The following ATF7 variants were observed in gnomAD, a reference collection of about 807,000 sequenced individuals.
ATF7 encodes cyclic AMP-dependent transcription factor ATF-7.
A neutral mutation model predicts 50.4 loss-of-function variants in ATF7; 10 were observed. The observed-to-expected ratio is 0.20, with a 90% CI of 0.12 to 0.34. ATF7 has a LOEUF of 0.34. ATF7 is among the 10% of genes least tolerant of loss of function. The pLI is 1.00. For missense variants in ATF7, 465 were observed against 613.9 expected (o/e 0.76, Z 2.56); for synonymous variants, 201 against 226.4 (o/e 0.89, Z 1.01).
intron 1 of ATF7, among the ~76,000 whole-genome samples, chr12:53,616,664 C>A (rs548734699): frequency 6.6e-6 from 1 of 151,592 alleles, no homozygotes; most frequent in Non-Finnish European, 1.5e-5. Context: ...AAGGCGTGGC[C>A]GGGTGCGGTG....
In ATF7 at chr12:53,569,102, T is replaced by A. The variant is rs1416878162; in HGVS notation, c.49-16465A>T. On this transcript the variant is annotated intron_variant, in intron 2 of 11. Transcript: ENST00000420353. Reference sequence around the variant, plus strand: ...AAGGAGGTTCCCTTGAGCCCAGGTGTTTGAAGCTGCAGTAAGCTATGATTG... The same window carrying A: ...AAGGAGGTTCCCTTGAGCCCAGGTGATTGAAGCTGCAGTAAGCTATGATTG... Among the ~76,000 whole-genome samples the A allele has an allele frequency of 7.9e-5, 12 of 152,096 alleles. 1 individual carries two copies. In the East Asian group the frequency reaches 2.1e-3, roughly 27 times the overall value.
chr12:53,525,679 T>G (rs964649458), intron 9 of ATF7, among the ~76,000 whole-genome samples: 20 of 152,174 alleles, frequency 1.3e-4, no homozygotes, highest in South Asian at 6.2e-4. Context: ...CTTTACAAAT[T>G]GGTGATATAG....
chr12:53,575,355 C>G (rs549877302), intron 2 of ATF7, among the ~76,000 whole-genome samples: 1 of 150,488 alleles, frequency 6.6e-6, no homozygotes, highest in East Asian at 2.0e-4. Flanking sequence ...TGCGGTGAGC[C>G]GAGATTGTGC....
In ATF7 at chr12:53,551,884, A is replaced by G. The variant is rs1251413936; in HGVS notation, c.145+657T>C. ...TGGTTTGTATGTCTGCCTAGCTGAA[A>G]ATGGTACAGCAGAATTGCTGCCTGG... On this transcript the variant is annotated intron_variant, in intron 3 of 11. Coordinates refer to ENST00000420353, the MANE Select transcript of ATF7 (RefSeq NM_006856.3). Among the ~76,000 whole-genome samples the G allele has an allele frequency of 2.6e-5, 4 of 152,230 alleles. No homozygotes were observed. In the East Asian group the frequency reaches 7.7e-4, roughly 29 times the overall value.
chr12:53,539,949 A>G (rs187940156), intron 4 of ATF7, among the ~76,000 whole-genome samples: 1 of 152,062 alleles, frequency 6.6e-6, no homozygotes, highest in Non-Finnish European at 1.5e-5. Context: ...GAGTGCCTGT[A>G]GTCCTAGTTA....
chr12:53,509,148 G>A (rs1009562140), downstream of ATF7, among the ~76,000 whole-genome samples: 6 of 152,122 alleles, frequency 3.9e-5, no homozygotes, highest in South Asian at 2.1e-4. Context: ...GCTGTCTCCC[G>A]CTCTGAGCTT....
At chr12:53,534,029 GCA>G (rs757104073) in intron 6 of ATF7, among the ~76,000 whole-genome samples, 8 of 152,234 alleles carry the variant, frequency 5.3e-5, no homozygotes, top group Non-Finnish European at 5.9e-5. Context: ...TGTAATCCCG[GCA>G]CTTTGGGAGG....
At chr12:53,613,206 C>A (rs186527966) in intron 1 of ATF7, among the ~76,000 whole-genome samples, 32 of 152,160 alleles carry the variant, frequency 2.1e-4, no homozygotes, top group African/African-American at 7.7e-4. Flanking sequence ...TATACAATTA[C>A]CTGAAAATAA....
intron 1 of ATF7, among the ~76,000 whole-genome samples, chr12:53,606,939 A>C (rs377233570): frequency 2.6e-5 from 4 of 151,944 alleles, no homozygotes; most frequent in Non-Finnish European, 5.9e-5. Context: ...ATATGTGCCA[A>C]ATTTTCTTAA....
chr12:53,579,477 A>G (rs550817946), intron 2 of ATF7, among the ~76,000 whole-genome samples: 1 of 145,310 alleles, frequency 6.9e-6, no homozygotes, highest in African/African-American at 2.6e-5. Context: ...GCTTGAACCC[A>G]GGAGGCAGAG....
chr12:53,555,940 T>C (rs1012081841), intron 2 of ATF7, among the ~76,000 whole-genome samples: 1 of 151,994 alleles, frequency 6.6e-6, no homozygotes, highest in Non-Finnish European at 1.5e-5. Flanking sequence ...CTCAGCCTCC[T>C]GCATAGCTGG....
intron 4 of ATF7, among the ~76,000 whole-genome samples, chr12:53,540,502 T>A (rs1939487979): frequency 6.6e-6 from 1 of 151,926 alleles, no homozygotes; most frequent in Admixed American, 6.6e-5. Context: ...GGTGGACAGA[T>A]TGCTTGAGCT....
intron 11 of ATF7, among the ~76,000 whole-genome samples, chr12:53,518,086 A>G (rs1430535062): frequency 6.7e-6 from 1 of 148,966 alleles, no homozygotes; most frequent in Non-Finnish European, 1.5e-5. Context: ...GCTGGTCTCA[A>G]ACTCCTGACC....
intron 4 of ATF7, among the ~76,000 whole-genome samples, chr12:53,541,010 G>A (rs531827484): frequency 6.6e-6 from 1 of 152,254 alleles, no homozygotes; most frequent in East Asian, 1.9e-4. Flanking sequence ...GATTACAGGT[G>A]TGAACCACCA....
At chr12:53,530,851 C>T (rs563384185) in intron 9 of ATF7, among the ~76,000 whole-genome samples, 7 of 152,144 alleles carry the variant, frequency 4.6e-5, no homozygotes, top group Non-Finnish European at 8.8e-5. Flanking sequence ...TCAGAAGATC[C>T]GCCTGCCTCG....
At chr12:53,590,178 ATC>A (rs1942881216) in intron 2 of ATF7, among the ~76,000 whole-genome samples, 1 of 152,306 alleles carries the variant, frequency 6.6e-6, no homozygotes, top group East Asian at 1.9e-4. Context: ...GCCAGTCCAC[ATC>A]TGTGATCCCC....
intron 4 of ATF7, among the ~76,000 whole-genome samples, chr12:53,540,593 G>A (rs1040485485): frequency 6.6e-6 from 1 of 151,730 alleles, no homozygotes; most frequent in African/African-American, 2.4e-5. Flanking sequence ...AGGCGTCGTG[G>A]CATGCACCTG....
At chr12:53,561,011 T>A (rs1296452764) in intron 2 of ATF7, among the ~76,000 whole-genome samples, 1 of 151,150 alleles carries the variant, frequency 6.6e-6, no homozygotes, top group Admixed American at 6.6e-5. Flanking sequence ...AGTGATGTGA[T>A]CTTAGATCAC....
At chr12:53,582,730 C>T (rs1942494031) in intron 2 of ATF7, among the ~76,000 whole-genome samples, 1 of 152,130 alleles carries the variant, frequency 6.6e-6, no homozygotes, top group Non-Finnish European at 1.5e-5. Context: ...AAGTCCCCGC[C>T]ACCACGCCCG....
Sources: allele counts gnomAD v4.1 joint callset (sites outside exome capture counted in the v4.1 genomes callset), GRCh38; gene constraint gnomAD v4.1.1; transcripts MANE v1.5; gene names NCBI Gene and HGNC (gene_info 2026-07-23, HGNC 2026-07-21).